The following MYO1D variants were observed in gnomAD, a reference collection of about 807,000 sequenced individuals.
MYO1D encodes myosin ID.
MYO1D carries 83 observed loss-of-function variants against 122.0 expected under a neutral mutation model. The observed-to-expected ratio is 0.68, with a 90% CI of 0.57 to 0.82. The LOEUF is 0.82. Among genes scored for constraint, MYO1D ranks in the 40% least tolerant of loss-of-function variants. MYO1D has a pLI of 0.00. For missense variants in MYO1D, 1,157 were observed against 1,269.5 expected (o/e 0.91, Z 1.35); for synonymous variants, 464 against 446.9 (o/e 1.04, Z -0.48).
At chr17:32,650,140 G>C (rs1310668390) in intron 19 of MYO1D, among the ~76,000 whole-genome samples, 1 of 152,078 alleles carries the variant, frequency 6.6e-6, no homozygotes, top group Non-Finnish European at 1.5e-5. Context: ...TTTATCTTCA[G>C]ATATGTCTGA....
At chr17:32,771,962 G>A (rs1403164003) in intron 5 of MYO1D, among the ~76,000 whole-genome samples, 1 of 152,110 alleles carries the variant, frequency 6.6e-6, no homozygotes, top group Admixed American at 6.5e-5. Context: ...GTATGCTTTT[G>A]TTTACTTAAA....
At chr17:32,552,407 T>TCCAC (rs1567887036) in intron 21 of MYO1D, among the ~76,000 whole-genome samples, 1 of 149,112 alleles carries the variant, frequency 6.7e-6, no homozygotes, top group Non-Finnish European at 1.5e-5. Flanking sequence ...TTGTAATCCA[T>TCCAC]CCATCCATCC....
intron 15 of MYO1D, among the ~76,000 whole-genome samples, chr17:32,719,053 C>A (rs2089479110): frequency 6.6e-6 from 1 of 152,176 alleles, no homozygotes; most frequent in African/African-American, 2.4e-5. Flanking sequence ...AATCTTGATT[C>A]CATCTTTACT....
intron 21 of MYO1D, among the ~76,000 whole-genome samples, chr17:32,557,138 G>T (rs1384165273): frequency 1.0e-4 from 15 of 146,582 alleles, no homozygotes; most frequent in African/African-American, 3.8e-4. Flanking sequence ...TTTTTTTTGA[G>T]ATGGTGTTTC....
intron 8 of MYO1D, among the ~76,000 whole-genome samples, chr17:32,762,159 G>A (rs1326401208): frequency 6.6e-6 from 1 of 152,050 alleles, no homozygotes; most frequent in East Asian, 1.9e-4. Context: ...AGCCAAGCAA[G>A]AGAGGAGAGA....
At chr17:32,570,140 G>A (rs1406308586) in intron 21 of MYO1D, among the ~76,000 whole-genome samples, 1 of 152,162 alleles carries the variant, frequency 6.6e-6, no homozygotes, top group Non-Finnish European at 1.5e-5. Context: ...GAATCTCTAA[G>A]TTCCTTCCAG....
rs1346099835 is a variant in MYO1D, at chr17:32,571,115, T to G, written c.2864+33972A>C. On this transcript the variant is annotated intron_variant, in intron 21 of 21. Transcript: ENST00000318217. Reference sequence around the variant, plus strand: ...AGAAGGGCCCTTGGAAGAGAGACCTTAAAGGGTGTTTCTACCACTGGTGCT... The same window carrying G: ...AGAAGGGCCCTTGGAAGAGAGACCTGAAAGGGTGTTTCTACCACTGGTGCT... Among the ~76,000 whole-genome samples the G allele has an allele frequency of 2.0e-5, 3 of 151,938 alleles. No individual in the cohort carries two copies. The East Asian group carries it at 5.8e-4, about 29-fold the overall frequency.
At chr17:32,626,154 C>T (rs1384635804) in intron 20 of MYO1D, among the ~76,000 whole-genome samples, 1 of 152,200 alleles carries the variant, frequency 6.6e-6, no homozygotes, top group East Asian at 1.9e-4. Flanking sequence ...TAGGCAGAGG[C>T]TACGTGATGT....
chr17:32,561,322 T>C (rs2087123470), intron 21 of MYO1D, among the ~76,000 whole-genome samples: 1 of 151,608 alleles, frequency 6.6e-6, no homozygotes, highest in Non-Finnish European at 1.5e-5. Context: ...TTGTAAGTTC[T>C]TTTTTTGCTT....
chr17:32,854,993 T>TA (rs2091016234), intron 1 of MYO1D, among the ~76,000 whole-genome samples: 1 of 152,194 alleles, frequency 6.6e-6, no homozygotes, highest in Non-Finnish European at 1.5e-5. Flanking sequence ...ATTTGGCAGT[T>TA]ACTCTTGCAG....
chr17:32,504,099 T>C (rs1909413929), intron 21 of MYO1D, among the ~76,000 whole-genome samples: 1 of 152,140 alleles, frequency 6.6e-6, no homozygotes, highest in African/African-American at 2.4e-5. Flanking sequence ...AGTAAAACCT[T>C]TCTCTTGTCA....
chr17:32,741,654 A>G (rs936028356), intron 13 of MYO1D, among the ~76,000 whole-genome samples: 1 of 152,188 alleles, frequency 6.6e-6, no homozygotes, highest in Non-Finnish European at 1.5e-5. Context: ...TTGACTTCCC[A>G]AGCACGTTTT....
intron 1 of MYO1D, among the ~76,000 whole-genome samples, chr17:32,837,984 ATTTTT>A (rs1428620053): frequency 6.6e-6 from 1 of 151,206 alleles, no homozygotes; most frequent in African/African-American, 2.4e-5. Flanking sequence ...ACTTTACAAC[ATTTTT>A]ATTTTTATAT....
chr17:32,866,551 C>T (rs2091126425), intron 1 of MYO1D, among the ~76,000 whole-genome samples: 2 of 152,174 alleles, frequency 1.3e-5, no homozygotes, highest in Non-Finnish European at 2.9e-5. Context: ...CTAACTGATG[C>T]CACTGAGGCA....
intron 1 of MYO1D, among the ~76,000 whole-genome samples, chr17:32,864,007 C>CTTTTCTTTTTTTTTTTT (rs2091100932): frequency 2.0e-5 from 1 of 48,978 alleles, no homozygotes; most frequent in African/African-American, 1.0e-4. Flanking sequence ...ACATTTCTTC[C>CTTTTCTTTTTTTTTTTT]TTTTTTTTTT....
chr17:32,720,275 T>C (rs1431352347), intron 15 of MYO1D, among the ~76,000 whole-genome samples: 2 of 152,170 alleles, frequency 1.3e-5, no homozygotes, highest in African/African-American at 4.8e-5. Flanking sequence ...AAATTAACAA[T>C]AGCAACAATA....
chr17:32,644,968 G>A (rs879253450), intron 19 of MYO1D, among the ~76,000 whole-genome samples: 2 of 152,154 alleles, frequency 1.3e-5, no homozygotes, highest in Non-Finnish European at 2.9e-5. Flanking sequence ...ATGTTAGCTG[G>A]TTATTTTGCT....
chr17:32,729,455 G>A (rs2089611764), intron 14 of MYO1D, among the ~76,000 whole-genome samples: 1 of 152,148 alleles, frequency 6.6e-6, no homozygotes, highest in Non-Finnish European at 1.5e-5. Context: ...AAAGTGAGGA[G>A]CCAGGGACGT....
intron 1 of MYO1D, among the ~76,000 whole-genome samples, chr17:32,826,731 A>C (rs2090726273): frequency 6.6e-6 from 1 of 152,248 alleles, no homozygotes; most frequent in African/African-American, 2.4e-5. Context: ...TAGCAAACTA[A>C]TTTAATGGAC....
Sources: gnomAD v4.1 joint callset for allele counts (sites outside exome capture counted in the v4.1 genomes callset) on GRCh38, gnomAD v4.1.1 for gene constraint, MANE v1.5 for transcripts, NCBI Gene and HGNC (gene_info 2026-07-23, HGNC 2026-07-21) for gene names.